Variants in PRICKLE2 observed in about 807,000 individuals in gnomAD.
PRICKLE2 encodes the protein prickle planar cell polarity protein 2, also known as prickle-like protein 2.
PRICKLE2 carries 21 observed loss-of-function variants against 81.4 expected under a neutral mutation model. The observed-to-expected ratio is 0.26, with a 90% CI of 0.18 to 0.37. PRICKLE2 has a LOEUF of 0.37. Ranked by LOEUF, PRICKLE2 falls within the 10% of genes least tolerant of loss-of-function variation. PRICKLE2 has a pLI of 1.00. For synonymous variants in PRICKLE2, 456 were observed against 421.5 expected, an observed-to-expected ratio of 1.08 and a Z score of -1.00; for missense variants, 940 against 1,109.0, an observed-to-expected ratio of 0.85 and a Z score of 2.16.
At chr3:64,242,587 G>A (rs182194596) in intron 2 of PRICKLE2, among the ~76,000 whole-genome samples, 90 of 152,338 alleles carry the variant, frequency 5.9e-4, no homozygotes, top group African/African-American at 1.9e-3. Context: ...AATAAAACTA[G>A]CCAACCCTGA....
At chr3:64,146,668 G>A (rs1301609139) in intron 7 of PRICKLE2, 162 bp downstream of exon 7, 9 of 723,502 alleles carry the variant, frequency 1.2e-5, no homozygotes, top group Admixed American at 7.6e-5. Context: ...GCGTGAACCC[G>A]GGAGGTGGAG....
At chr3:64,194,156 T>C (rs1423171219) in intron 2 of PRICKLE2, 1 of 152,236 alleles carries the variant, frequency 6.6e-6, no homozygotes, top group African/African-American at 2.4e-5. Context: ...CACAGCCAGC[T>C]GGTCATGCAG....
chr3:64,139,525 A>G (rs1405011719), intron 7 of PRICKLE2, among the ~76,000 whole-genome samples: 1 of 152,170 alleles, frequency 6.6e-6, no homozygotes, highest in Non-Finnish European at 1.5e-5. Flanking sequence ...ATTGCCTCCT[A>G]ACAGGACTCC....
At chr3:64,239,586 C>G (rs2079231771) in intron 2 of PRICKLE2, among the ~76,000 whole-genome samples, 1 of 152,030 alleles carries the variant, frequency 6.6e-6, no homozygotes, top group Non-Finnish European at 1.5e-5. Flanking sequence ...TCAGGCACTC[C>G]CAGCCACAGG....
At chr3:64,122,285 C>T (rs2077039717) in intron 7 of PRICKLE2, among the ~76,000 whole-genome samples, 1 of 152,106 alleles carries the variant, frequency 6.6e-6, no homozygotes, top group Non-Finnish European at 1.5e-5. Flanking sequence ...GCTAACAGGT[C>T]TCAAGTAGAT....
At chr3:64,245,893 C>G (rs924909673) in intron 2 of PRICKLE2, among the ~76,000 whole-genome samples, 1 of 152,144 alleles carries the variant, frequency 6.6e-6, no homozygotes, top group Non-Finnish European at 1.5e-5. Context: ...ATGGGGTTCT[C>G]TCTCATTAAA....
At position 64,094,108 on chromosome 3, in the gene PRICKLE2, G is replaced by A. The variant is rs1365596880; in HGVS notation, c.*4943C>T. 6.6e-6 allele frequency: 1 copy of A among 152,424 alleles called. No individual in the cohort carries two copies. Among genetic ancestry groups the A allele is most frequent in the East Asian group, 1.9e-4 (1 of 5,194 alleles). 9.4% of individuals were successfully genotyped at this position (152,424 alleles called of 1,614,324 possible). On this transcript the variant is annotated 3_prime_UTR_variant, in exon 8 of 8. Coordinates refer to ENST00000638394, the MANE Select transcript of PRICKLE2 (RefSeq NM_198859.4). ...GAGGTTTTGTTTATGCACTTGAAAT[G>A]AAAGCAGGAGATGGACAAAGCAATC...
intron 7 of PRICKLE2, among the ~76,000 whole-genome samples, chr3:64,127,154 T>C (rs934824832): frequency 2.6e-5 from 4 of 152,120 alleles, no homozygotes; most frequent in Admixed American, 1.3e-4. Flanking sequence ...CTGAGTGTTA[T>C]AGAGAAAATA....
At chr3:64,237,590 T>G (rs2107167555) in intron 2 of PRICKLE2, among the ~76,000 whole-genome samples, 1 of 152,228 alleles carries the variant, frequency 6.6e-6, no homozygotes, top group African/African-American at 2.4e-5. Context: ...AGCCTGGGGT[T>G]TTTATGGCTA....
chr3:64,166,241 T>C (rs994483875), intron 2 of PRICKLE2, among the ~76,000 whole-genome samples: 3 of 152,104 alleles, frequency 2.0e-5, no homozygotes, highest in African/African-American at 7.2e-5. Flanking sequence ...CAAGAGTCTG[T>C]CCTAGAGTGA....
At position 64,146,801 on chromosome 3, in the gene PRICKLE2, T is replaced by C. The variant is rs766835961; in HGVS notation, c.1660+29A>G. On this transcript the variant is annotated intron_variant, in intron 7 of 7. Transcript: ENST00000638394. ...AGTCACCCAGAGACTACCCCCTTTC[T>C]ATCTGTTTTCAAGGTGAACAGAACC... The C allele has an allele frequency of 4.3e-6, 7 of 1,613,196 alleles. No individual in the cohort carries two copies. In the South Asian group the frequency reaches 7.7e-5, roughly 18 times the overall value.
chr3:64,111,656 C>T, intron 7 of PRICKLE2, among the ~76,000 whole-genome samples: 1 of 152,046 alleles, frequency 6.6e-6, no homozygotes, highest in East Asian at 1.9e-4. Context: ...TAAAAGATAC[C>T]AGATATAAAA....
chr3:64,198,641 C>T, intron 2 of PRICKLE2, 143 bp downstream of exon 2: 1 of 861,238 alleles, frequency 1.2e-6, no homozygotes, highest in Non-Finnish European at 1.9e-6. Flanking sequence ...TCCACTGGGG[C>T]CCCTGGCATC....
chr3:64,120,113 A>C (rs906422379), intron 7 of PRICKLE2, among the ~76,000 whole-genome samples: 1 of 152,206 alleles, frequency 6.6e-6, no homozygotes, highest in African/African-American at 2.4e-5. Flanking sequence ...TACTATGCTC[A>C]GTACCTGGGT....
chr3:64,225,399 C>T lies in PRICKLE2; in HGVS notation c.-530G>A, dbSNP rs1173593406. ...AGCCACTGAACCAGGAAATGTGCTG[C>T]TTGGTCAAAAAATAATAATAACTCT... On this transcript the variant is annotated 5_prime_UTR_variant, in exon 1 of 8. Coordinates refer to ENST00000638394, the MANE Select transcript of PRICKLE2 (RefSeq NM_198859.4). 8.1e-6 allele frequency: 8 copies of T among 985,354 alleles called. No individual in the cohort carries two copies. The highest frequency in any genetic ancestry group is 7.2e-6 in the Non-Finnish European group (6 of 829,972). 61.0% of individuals were successfully genotyped at this position (985,354 alleles called of 1,614,324 possible).
chr3:64,264,884 G>A (rs1286325957), intron 2 of PRICKLE2, among the ~76,000 whole-genome samples: 2 of 152,268 alleles, frequency 1.3e-5, no homozygotes, highest in South Asian at 2.1e-4. Context: ...CTAGTGATAG[G>A]TACAAGGATT....
chr3:64,131,380 C>T, intron 7 of PRICKLE2, among the ~76,000 whole-genome samples: 1 of 152,216 alleles, frequency 6.6e-6, no homozygotes. Context: ...ATGACAACTG[C>T]TCAGTCTTTC....
chr3:64,124,957 C>G (rs1286311172), intron 7 of PRICKLE2, among the ~76,000 whole-genome samples: 1 of 152,108 alleles, frequency 6.6e-6, no homozygotes, highest in East Asian at 1.9e-4. Context: ...AATAGTGATT[C>G]CTCTGATGGA....
intron 6 of PRICKLE2, among the ~76,000 whole-genome samples, chr3:64,148,978 C>T (rs746345410): frequency 6.6e-6 from 1 of 152,184 alleles, no homozygotes; most frequent in South Asian, 2.1e-4. Context: ...AATCTGCTTT[C>T]GGTAAAGAAA....
Sources: allele counts gnomAD v4.1 joint callset (sites outside exome capture counted in the v4.1 genomes callset), GRCh38; gene constraint gnomAD v4.1.1; transcripts MANE v1.5; gene names NCBI Gene and HGNC (gene_info 2026-07-23, HGNC 2026-07-21).